OR3A2: variants seen among roughly 807,000 people sequenced by gnomAD.
OR3A2 encodes olfactory receptor 3A2.
For missense variants in OR3A2, 318 were observed against 392.8 expected, an observed-to-expected ratio of 0.81 and a Z score of 1.61; for synonymous variants, 126 against 159.3, an observed-to-expected ratio of 0.79 and a Z score of 1.57.
chr17:3,300,709 T>C (rs1056875371), intron 3 of OR3A2, among the ~76,000 whole-genome samples: 4 of 151,982 alleles, frequency 2.6e-5, no homozygotes, highest in African/African-American at 7.3e-5. Context: ...TTTTAAATTA[T>C]ACTTTAAGTT....
intron 2 of OR3A2, among the ~76,000 whole-genome samples, chr17:3,348,198 C>T (rs916607724): frequency 3.9e-5 from 6 of 152,008 alleles, no homozygotes; most frequent in Non-Finnish European, 8.8e-5. Context: ...TGTAGGTTGC[C>T]TGTTCACTCT....
intron 3 of OR3A2, chr17:3,292,676 C>A: frequency 8.8e-7 from 1 of 1,131,018 alleles, no homozygotes; most frequent in East Asian, 2.5e-5. Flanking sequence ...CTTCTACTTG[C>A]CCGGCCCTCT....
chr17:3,313,016 T>C (rs1465532964), intron 3 of OR3A2, among the ~76,000 whole-genome samples: 2 of 152,220 alleles, frequency 1.3e-5, no homozygotes, highest in East Asian at 1.9e-4. Context: ...GTGAGGAGAC[T>C]GATAAGAAGG....
chr17:3,336,318 T>C (rs1449005840), intron 2 of OR3A2, among the ~76,000 whole-genome samples, 192 bp from the exon 2 acceptor site: 1 of 152,216 alleles, frequency 6.6e-6, no homozygotes, highest in Non-Finnish European at 1.5e-5. Context: ...TGAAAAGTTA[T>C]CTGGTTTAAA....
chr17:3,304,480 A>G (rs1361927985), intron 3 of OR3A2, among the ~76,000 whole-genome samples: 4 of 152,100 alleles, frequency 2.6e-5, no homozygotes, highest in African/African-American at 9.7e-5. Context: ...AGGCAACTGT[A>G]TTTCTCACAC....
chr17:3,349,816 A>G (rs1404832974), intron 2 of OR3A2, among the ~76,000 whole-genome samples: 8 of 152,046 alleles, frequency 5.3e-5, no homozygotes, highest in Non-Finnish European at 1.0e-4. Context: ...AAAGAACAGA[A>G]ATTATAACAA....
At chr17:3,316,643 A>T (rs9897910) in intron 3 of OR3A2, among the ~76,000 whole-genome samples, 4 of 152,296 alleles carry the variant, frequency 2.6e-5, no homozygotes, top group African/African-American at 7.2e-5. Flanking sequence ...AACCAGGACC[A>T]GGATTAGAAA....
intron 2 of OR3A2, among the ~76,000 whole-genome samples, chr17:3,378,613 C>G (rs9901211): frequency 0.15 from 23,030 of 152,114 alleles, 2,322 homozygotes; most frequent in African/African-American, 0.28. Flanking sequence ...CCAGCTCCAC[C>G]GAGCACGCAG....
intron 3 of OR3A2, among the ~76,000 whole-genome samples, chr17:3,314,400 TA>T (rs1239129751): frequency 6.6e-6 from 1 of 152,208 alleles, no homozygotes; most frequent in Non-Finnish European, 1.5e-5. Context: ...GTAAATAATT[TA>T]AATAAAAAGC....
chr17:3,281,504 G>A (rs898602697), intron 1 of OR3A2, among the ~76,000 whole-genome samples: 5 of 152,134 alleles, frequency 3.3e-5, no homozygotes, highest in Admixed American at 6.6e-5. Flanking sequence ...AAAGTGCTGG[G>A]ATTACAGACG....
intron 2 of OR3A2, among the ~76,000 whole-genome samples, chr17:3,350,142 C>T (rs917722536): frequency 6.6e-6 from 1 of 151,656 alleles, no homozygotes; most frequent in East Asian, 1.9e-4. Flanking sequence ...CAAGAGCAAA[C>T]ACTTTCAAAA....
At chr17:3,282,156 T>G (rs1174673288) in intron 1 of OR3A2, among the ~76,000 whole-genome samples, 1 of 152,182 alleles carries the variant, frequency 6.6e-6, no homozygotes, top group Non-Finnish European at 1.5e-5. Context: ...GGCTCACACC[T>G]GTAATCCCAG....
intron 1 of OR3A2, among the ~76,000 whole-genome samples, chr17:3,384,431 T>C (rs7221282): frequency 0.15 from 23,036 of 152,048 alleles, 2,313 homozygotes; most frequent in African/African-American, 0.28. Context: ...TGCCAACAAC[T>C]CCACACAATC....
intron 2 of OR3A2, among the ~76,000 whole-genome samples, chr17:3,381,778 T>A (rs1479287697): frequency 6.6e-6 from 1 of 152,184 alleles, no homozygotes; most frequent in East Asian, 1.9e-4. Context: ...GAATGCCTTG[T>A]CCTTCAAGCT....
chr17:3,379,125 T>A (rs1311825371), intron 2 of OR3A2, among the ~76,000 whole-genome samples: 1 of 152,098 alleles, frequency 6.6e-6, no homozygotes, highest in African/African-American at 2.4e-5. Context: ...ATCAAGTGAA[T>A]GAATAGTCAA....
In OR3A2 at chr17:3,372,441, C is replaced by T. The variant is rs554464352; in HGVS notation, c.-179+11363G>A. ...CGGGGTGGCGGCTGGGCAGAGGCTG[C>T]AATCTCGGCACTTTGGGAGGCCAAG... is the stretch of plus-strand genomic sequence containing the variant. On this transcript the variant is annotated intron_variant, in intron 2 of 4. Transcript: ENST00000573491. Among the ~76,000 whole-genome samples the T allele has an allele frequency of 2.6e-4, 40 of 152,186 alleles. No individual in the cohort carries two copies. The East Asian group carries it at 7.4e-3, about 28-fold the overall frequency.
At chr17:3,292,647 A>AAAAAG in intron 3 of OR3A2, 2 of 1,407,772 alleles carry the variant, frequency 1.4e-6, no homozygotes, top group Admixed American at 2.3e-5. Flanking sequence ...TATTTACTCA[A>AAAAAG]GAAAAAGAAA....
chr17:3,293,771 C>A (rs1597323457), intron 3 of OR3A2, among the ~76,000 whole-genome samples: 1 of 152,272 alleles, frequency 6.6e-6, no homozygotes, highest in Non-Finnish European at 1.5e-5. Flanking sequence ...GAATACTATG[C>A]AGCCATGAAA....
upstream of OR3A2, among the ~76,000 whole-genome samples, chr17:3,285,883 G>A (rs904517848): frequency 6.6e-6 from 1 of 152,146 alleles, no homozygotes; most frequent in Non-Finnish European, 1.5e-5. Context: ...CAACAAGCCT[G>A]GAGTCTCAGT....
Sources: allele counts gnomAD v4.1 joint callset (sites outside exome capture counted in the v4.1 genomes callset), GRCh38; gene constraint gnomAD v4.1.1; transcripts MANE v1.5; gene names NCBI Gene and HGNC (gene_info 2026-07-23, HGNC 2026-07-21).